Variants in PAN3 observed in about 807,000 individuals in gnomAD.
PAN3 encodes the protein PAN2-PAN3 deadenylation complex subunit PAN3.
PAN3 carries 19 observed loss-of-function variants against 96.2 expected under a neutral mutation model. The ratio of observed to expected loss-of-function variants is 0.20; its 90% CI spans 0.14 to 0.29. The LOEUF (loss-of-function observed/expected upper bound fraction) is 0.29, where lower values mean the gene tolerates loss of function less well. Ranked by LOEUF, PAN3 falls within the 10% of genes least tolerant of loss-of-function variation. The pLI, the probability that PAN3 is intolerant of heterozygous loss-of-function variation, is 1.00. For synonymous variants in PAN3, 433 were observed against 406.6 expected (o/e 1.06, Z -0.78); for missense variants, 882 against 1,108.1 (o/e 0.80, Z 2.90).
rs10651877 is a variant in PAN3, at chr13:28,153,232, C to CTTTTT, written c.430+14163_430+14167dup. ...AAGTTACAAAACTATGTATAATACG[C>CTTTTT]TTTTTTTTTTTTTTTTTTTTTTGAG... On this transcript the variant is annotated intron_variant, in intron 1 of 18. Transcript: ENST00000380958. Among the ~76,000 whole-genome samples, 71 of 101,508 alleles carry CTTTTT rather than the reference C, an allele frequency of 7.0e-4. 1 individual carries two copies. Among genetic ancestry groups the CTTTTT allele is most frequent in the African/African-American group, 2.2e-3 (52 of 23,512 alleles). The allele number at this position is 101,508 out of a possible 152,430, so 66.6% of individuals were successfully genotyped here. A position where few individuals can be genotyped will look rare whatever the true frequency, so the allele number is the denominator to read the frequency against.
chr13:28,173,854 A>T (rs1235359216), intron 1 of PAN3, among the ~76,000 whole-genome samples: 3 of 152,122 alleles, frequency 2.0e-5, no homozygotes, highest in Non-Finnish European at 4.4e-5. Flanking sequence ...AGTTAGTGTG[A>T]GTCTGCTGGT....
At chr13:28,176,656 C>A in intron 3 of PAN3, 97 bp downstream of exon 3, 2 of 1,175,374 alleles carry the variant, frequency 1.7e-6, no homozygotes, top group Non-Finnish European at 2.5e-6. Flanking sequence ...AAATTGTAAA[C>A]GGGCATAAAG....
chr13:28,171,349 A>C (rs1009693496), intron 1 of PAN3, among the ~76,000 whole-genome samples: 1 of 152,134 alleles, frequency 6.6e-6, no homozygotes, highest in African/African-American at 2.4e-5. Context: ...CAATTCTCCA[A>C]TTCTCTGGTT....
intron 6 of PAN3, among the ~76,000 whole-genome samples, chr13:28,226,855 AC>A (rs1882053891): frequency 6.6e-6 from 1 of 152,230 alleles, no homozygotes; most frequent in African/African-American, 2.4e-5. Context: ...CTTTGTAACT[AC>A]TTTGTTTTTC....
intron 6 of PAN3, among the ~76,000 whole-genome samples, chr13:28,225,481 CATGAT>C (rs1358327386): frequency 6.6e-6 from 1 of 152,160 alleles, no homozygotes; most frequent in East Asian, 1.9e-4. Flanking sequence ...TAGGCAATAA[CATGAT>C]ATTGGTTATT....
At chr13:28,139,220 C>A in intron 1 of PAN3, 133 bp downstream of exon 1, 1 of 1,043,244 alleles carries the variant, frequency 9.6e-7, no homozygotes, top group Non-Finnish European at 1.2e-6. Flanking sequence ...TCTGAGAGGC[C>A]TAGGCCGGGC....
intron 6 of PAN3, among the ~76,000 whole-genome samples, chr13:28,248,693 T>A (rs1884439396): frequency 6.6e-6 from 1 of 152,182 alleles, no homozygotes; most frequent in African/African-American, 2.4e-5. Context: ...CCCTAATTTT[T>A]TGAATTTTTA....
intron 5 of PAN3, chr13:28,215,367 G>T: frequency 4.0e-6 from 3 of 751,798 alleles, no homozygotes; most frequent in Non-Finnish European, 7.5e-6. Context: ...TCCAGTCAAC[G>T]TTACAACTGA....
chr13:28,270,010 T>C (rs1361667174), intron 12 of PAN3, among the ~76,000 whole-genome samples: 1 of 152,144 alleles, frequency 6.6e-6, no homozygotes, highest in Non-Finnish European at 1.5e-5. Context: ...GGTAGATCAT[T>C]TGAGCCCAGG....
intron 1 of PAN3, among the ~76,000 whole-genome samples, chr13:28,163,956 A>G (rs1873213425): frequency 6.6e-6 from 1 of 152,082 alleles, no homozygotes; most frequent in African/African-American, 2.4e-5. Flanking sequence ...GGCCAGGCAT[A>G]GTGGTGTGCG....
intron 18 of PAN3, among the ~76,000 whole-genome samples, chr13:28,288,895 A>C (rs1018079718): frequency 8.1e-5 from 11 of 136,298 alleles, no homozygotes; most frequent in Admixed American, 1.6e-4. Context: ...GGCGCCATCT[A>C]GGCTCACTGC....
chr13:28,196,607 C>T (rs1274726078), intron 4 of PAN3, among the ~76,000 whole-genome samples: 3 of 151,016 alleles, frequency 2.0e-5, no homozygotes, highest in African/African-American at 7.3e-5. Flanking sequence ...GGGTGAATGC[C>T]TATTTAAGAT....
At position 28,272,402 on chromosome 13, in the gene PAN3, G is replaced by C. The variant is rs540829620; in HGVS notation, c.2049+331G>C. The C allele has an allele frequency of 6.1e-5, 11 of 180,278 alleles. No homozygotes were observed. The East Asian group carries it at 1.5e-3, about 25-fold the overall frequency. 11.2% of individuals were successfully genotyped at this position (180,278 alleles called of 1,614,324 possible). On this transcript the variant is annotated intron_variant, in intron 14 of 18. Coordinates refer to ENST00000380958, the MANE Select transcript of PAN3 (RefSeq NM_175854.8). Reference sequence around the variant, plus strand: ...TCGCCTCAGCCTCCCATGTAGCTGGGACTACAGATGTGCACTACTGTGTCT... The same window carrying C: ...TCGCCTCAGCCTCCCATGTAGCTGGCACTACAGATGTGCACTACTGTGTCT...
At chr13:28,262,543 T>C (rs2138626929) in intron 9 of PAN3, among the ~76,000 whole-genome samples, 1 of 152,288 alleles carries the variant, frequency 6.6e-6, no homozygotes, top group East Asian at 1.9e-4. Flanking sequence ...ACCTTTGAAA[T>C]ATTCATCTTG....
intron 4 of PAN3, among the ~76,000 whole-genome samples, chr13:28,192,525 TC>T (rs1364681613): frequency 1.3e-5 from 2 of 152,234 alleles, no homozygotes; most frequent in Non-Finnish European, 2.9e-5. Context: ...TCTCATATTT[TC>T]CTATCTAGGC....
intron 17 of PAN3, 83 bp downstream of exon 17, chr13:28,281,462 T>C: frequency 7.9e-7 from 1 of 1,268,650 alleles, no homozygotes. Context: ...CTGGCTTTAT[T>C]TGGAAAAAGA....
chr13:28,152,718 A>G (rs2137977553), intron 1 of PAN3, among the ~76,000 whole-genome samples: 1 of 152,338 alleles, frequency 6.6e-6, no homozygotes, highest in East Asian at 1.9e-4. Context: ...AGCTGAAGAT[A>G]AATGTCCCGT....
intron 18 of PAN3, among the ~76,000 whole-genome samples, chr13:28,289,465 A>T (rs909677384): frequency 1.3e-5 from 2 of 152,148 alleles, no homozygotes; most frequent in Non-Finnish European, 2.9e-5. Context: ...TTTGGTCGAT[A>T]CGGGATTTCA....
chr13:28,209,575 GGT>G (rs1457301515), intron 5 of PAN3, among the ~76,000 whole-genome samples: 2 of 151,832 alleles, frequency 1.3e-5, no homozygotes, highest in Non-Finnish European at 2.9e-5. Context: ...AATCCCTACT[GGT>G]AGATATTTTA....
Sources: allele counts gnomAD v4.1 joint callset (sites outside exome capture counted in the v4.1 genomes callset), GRCh38; gene constraint gnomAD v4.1.1; transcripts MANE v1.5; gene names NCBI Gene and HGNC (gene_info 2026-07-23, HGNC 2026-07-21).